Variants in CACNA2D1 observed in about 807,000 individuals in gnomAD.
The protein encoded by CACNA2D1 is calcium voltage-gated channel auxiliary subunit alpha2delta 1, also known as voltage-dependent calcium channel subunit alpha-2/delta-1.
In CACNA2D1, 53 loss-of-function variants were observed where a neutral mutation model predicts 171.5. The observed-to-expected ratio is 0.31, with a 90% confidence interval of 0.25 to 0.39. The LOEUF is 0.39. Among genes scored for constraint, CACNA2D1 ranks in the 10% least tolerant of loss-of-function variants. CACNA2D1 has a pLI of 1.00. For synonymous variants in CACNA2D1, 442 were observed against 443.1 expected (o/e 1.00, Z 0.03); for missense variants, 903 against 1,299.8 (o/e 0.69, Z 4.69).
intron 4 of CACNA2D1, among the ~76,000 whole-genome samples, chr7:82,165,172 C>T (rs150559771): frequency 6.6e-6 from 1 of 152,102 alleles, no homozygotes; most frequent in Non-Finnish European, 1.5e-5. Context: ...TTCTACCTCC[C>T]CATTTCCTAA....
rs778071183 is a variant in CACNA2D1, at chr7:81,968,945, G to A, written c.2337C>T (p.Gly779=). 8 of 1,592,110 alleles carry A rather than the reference G, an allele frequency of 5.0e-6. No homozygotes were observed. Among genetic ancestry groups the A allele is most frequent in the East Asian group, 4.5e-5 (2 of 44,562 alleles). ...NKSGPGAYES[G]IMVSKAVEIY... is the part of the protein sequence containing the mutation. ...TTTCTACAGCTTTGCTTACCATAAT[G>A]CCCGATTCATAGGCACCAGGTCCAC... The change falls in exon 29 of 39, where the codon GGC becomes GGT. Residue 779 remains glycine, a synonymous_variant. Transcript: ENST00000356860.
chr7:82,333,744 A>T (rs546882855), intron 3 of CACNA2D1, among the ~76,000 whole-genome samples: 1 of 152,022 alleles, frequency 6.6e-6, no homozygotes, highest in African/African-American at 2.4e-5. Flanking sequence ...AGGCAAACTA[A>T]TTTATAAATG....
intron 3 of CACNA2D1, among the ~76,000 whole-genome samples, chr7:82,234,184 CT>C (rs1403727828): frequency 1.2e-4 from 18 of 151,934 alleles, no homozygotes; most frequent in African/African-American, 4.1e-4. Flanking sequence ...GATGCTTCCC[CT>C]AATGGAGGAT....
chr7:82,226,631 A>C (rs2129267212), intron 3 of CACNA2D1, among the ~76,000 whole-genome samples: 1 of 152,306 alleles, frequency 6.6e-6, no homozygotes, highest in South Asian at 2.1e-4. Flanking sequence ...TCAATCGTGC[A>C]TTATATTAGA....
intron 3 of CACNA2D1, among the ~76,000 whole-genome samples, chr7:82,267,154 C>T (rs755544858): frequency 1.3e-5 from 2 of 152,094 alleles, no homozygotes; most frequent in Admixed American, 6.5e-5. Flanking sequence ...TATCACAATC[C>T]TAAAATGACT....
intron 5 of CACNA2D1, among the ~76,000 whole-genome samples, chr7:82,121,882 G>C (rs950227666): frequency 2.0e-5 from 3 of 151,954 alleles, no homozygotes; most frequent in Admixed American, 6.6e-5. Context: ...GATTTACTCT[G>C]GAAAAACTGT....
intron 3 of CACNA2D1, among the ~76,000 whole-genome samples, chr7:82,273,628 CA>C (rs2129355154): frequency 6.6e-6 from 1 of 152,232 alleles, no homozygotes; most frequent in Admixed American, 6.5e-5. Flanking sequence ...GCTTTGACCA[CA>C]GGAGCACCCT....
rs1829166178 is a variant in CACNA2D1, at chr7:82,426,177, AAATACAT to A, written c.95+17181_95+17187del. On this transcript the variant is annotated intron_variant, in intron 1 of 38. Transcript: ENST00000356860. ...TAAATAAATAAATAAATAAATAAATAAATACATAAATTCTATTTGGTTTGTTTAGATT... is the reference window on the plus strand; with the variant it reads ...TAAATAAATAAATAAATAAATAAATAAAATTCTATTTGGTTTGTTTAGATT... Among the ~76,000 whole-genome samples, 3 of 94,604 alleles carry A rather than the reference AAATACAT, an allele frequency of 3.2e-5. No individual in the cohort carries two copies. The South Asian group carries it at 8.3e-4, about 26-fold the overall frequency. 62.1% of individuals were successfully genotyped at this position (94,604 alleles called of 152,430 possible).
At chr7:82,221,795 G>A (rs114650575) in intron 3 of CACNA2D1, among the ~76,000 whole-genome samples, 1,496 of 146,642 alleles carry the variant, frequency 0.01, 23 homozygotes, top group African/African-American at 0.035. Flanking sequence ...AAAACACTAC[G>A]AATTCAGATA....
chr7:82,335,072 T>C (rs1440586870), intron 3 of CACNA2D1, 63 bp downstream of exon 3: 1 of 1,077,952 alleles, frequency 9.3e-7, no homozygotes, highest in South Asian at 1.3e-5. Context: ...CAATAGAGCA[T>C]GAAAATTAAA....
At position 82,173,087 on chromosome 7, in the gene CACNA2D1, A is replaced by G. The variant is rs1796214310; in HGVS notation, c.295-2478T>C. Among the ~76,000 whole-genome samples, 3 of 152,158 alleles carry G rather than the reference A, an allele frequency of 2.0e-5. No individual in the cohort carries two copies. The South Asian group carries it at 6.2e-4, about 32-fold the overall frequency. ...GATCTTTCCTCCTTGGGAGTGCATG[A>G]GAAAGTGCAATTCAACTGATCTGAC... On this transcript the variant is annotated intron_variant, in intron 3 of 38. Coordinates refer to ENST00000356860, the MANE Select transcript of CACNA2D1 (RefSeq NM_000722.4).
At chr7:82,329,775 A>G (rs933652399) in intron 3 of CACNA2D1, among the ~76,000 whole-genome samples, 2 of 151,984 alleles carry the variant, frequency 1.3e-5, no homozygotes, top group South Asian at 2.1e-4. Context: ...CAAATGTCAG[A>G]AAAAAAAGTC....
intron 36 of CACNA2D1, among the ~76,000 whole-genome samples, chr7:81,960,609 G>C (rs897799593): frequency 6.6e-6 from 1 of 152,026 alleles, no homozygotes; most frequent in Non-Finnish European, 1.5e-5. Flanking sequence ...AGAAAAGTGG[G>C]ATTTTCTTTT....
rs950536142 is a variant in CACNA2D1 at position 82,392,712 on chromosome 7, T to C, written c.96-43063A>G. Among the ~76,000 whole-genome samples the C allele has an allele frequency of 5.3e-5, 8 of 152,278 alleles. No homozygotes were observed. The East Asian group carries it at 1.6e-3, about 30-fold the overall frequency. ...TCATTAACAGTTTAGAATGAATGAA[T>C]GTATTAACATGATTGGAGAATAGAT... On this transcript the variant is annotated intron_variant, in intron 1 of 38. Transcript: ENST00000356860.
chr7:81,965,833 T>C (rs996185765), intron 31 of CACNA2D1, among the ~76,000 whole-genome samples, 168 bp from the exon 32 acceptor site: 1 of 151,842 alleles, frequency 6.6e-6, no homozygotes, highest in African/African-American at 2.4e-5. Context: ...AAGGCATGCA[T>C]AGATTTATAT....
intron 3 of CACNA2D1, among the ~76,000 whole-genome samples, chr7:82,233,216 T>C (rs896721614): frequency 1.3e-5 from 2 of 152,188 alleles, no homozygotes; most frequent in Non-Finnish European, 1.5e-5. Context: ...ATTTCAAACA[T>C]TATTTTATTC....
chr7:82,005,937 T>C, intron 16 of CACNA2D1, 98 bp from the exon 17 acceptor site: 2 of 779,570 alleles, frequency 2.6e-6, no homozygotes, highest in South Asian at 1.4e-5. Context: ...TATGGTTATA[T>C]TCCACATTAG....
intron 3 of CACNA2D1, among the ~76,000 whole-genome samples, chr7:82,239,637 A>T (rs888354024): frequency 6.6e-6 from 1 of 152,218 alleles, no homozygotes; most frequent in Admixed American, 6.5e-5. Flanking sequence ...AAAATATCAA[A>T]GCCCCTATCA....
intron 10 of CACNA2D1, among the ~76,000 whole-genome samples, chr7:82,057,877 G>C (rs964323811): frequency 5.3e-4 from 81 of 152,234 alleles, no homozygotes; most frequent in African/African-American, 1.9e-3. Context: ...TATGAATTAT[G>C]TCCTTGGTTC....
Sources: allele counts gnomAD v4.1 joint callset (sites outside exome capture counted in the v4.1 genomes callset), GRCh38; gene constraint gnomAD v4.1.1; transcripts MANE v1.5; gene names NCBI Gene and HGNC (gene_info 2026-07-23, HGNC 2026-07-21).